Variants in TMC2 observed in about 807,000 individuals in gnomAD.
TMC2 encodes transmembrane channel-like protein 2.
A neutral mutation model predicts 105.9 loss-of-function variants in TMC2; 102 were observed. The observed-to-expected ratio is 0.96, with a 90% CI of 0.82 to 1.14. The LOEUF is 1.14. Among genes scored for constraint, TMC2 ranks in the 50% most tolerant of loss-of-function variants. TMC2 has a pLI of 0.00. For missense variants in TMC2, 1,093 were observed against 1,134.3 expected, an observed-to-expected ratio of 0.96 and a Z score of 0.52; for synonymous variants, 402 against 422.8, an observed-to-expected ratio of 0.95 and a Z score of 0.60.
intron 5 of TMC2, among the ~76,000 whole-genome samples, chr20:2,574,716 G>A (rs2086130489): frequency 6.6e-6 from 1 of 151,772 alleles, no homozygotes. Context: ...ATATCTGTTG[G>A]GTTTGAATCT....
At chr20:2,538,092 G>A (rs913548695) in intron 2 of TMC2, among the ~76,000 whole-genome samples, 1 of 151,926 alleles carries the variant, frequency 6.6e-6, no homozygotes, top group African/African-American at 2.4e-5. Context: ...GGAGGGCCCT[G>A]TCCTGGCCCC....
intron 5 of TMC2, among the ~76,000 whole-genome samples, chr20:2,573,492 T>G (rs922775160): frequency 3.3e-5 from 5 of 152,026 alleles, no homozygotes; most frequent in Non-Finnish European, 5.9e-5. Flanking sequence ...CTACAAATTT[T>G]TGTGCTAATT....
At chr20:2,610,067 T>A (rs1600128480) in intron 11 of TMC2, among the ~76,000 whole-genome samples, 1 of 152,226 alleles carries the variant, frequency 6.6e-6, no homozygotes, top group East Asian at 1.9e-4. Flanking sequence ...CAGGATCTCC[T>A]GGCTATCTCC....
intron 7 of TMC2, among the ~76,000 whole-genome samples, chr20:2,586,579 G>A (rs188993205): frequency 3.5e-4 from 53 of 152,324 alleles, no homozygotes; most frequent in African/African-American, 1.0e-3. Context: ...ATCACTTGGC[G>A]AGAGCAGGAG....
At chr20:2,563,857 G>T (rs994522464) in intron 4 of TMC2, among the ~76,000 whole-genome samples, 7 of 152,052 alleles carry the variant, frequency 4.6e-5, no homozygotes, top group Non-Finnish European at 1.0e-4. Context: ...CTCTCCAGTG[G>T]CTGGGACTAC....
At chr20:2,584,219 C>T (rs568450247) in intron 7 of TMC2, among the ~76,000 whole-genome samples, 4 of 151,862 alleles carry the variant, frequency 2.6e-5, no homozygotes, top group South Asian at 2.1e-4. Context: ...CCGAGGCGGG[C>T]GGATCACGAG....
chr20:2,638,965 G>A (rs543414579), intron 19 of TMC2, among the ~76,000 whole-genome samples: 2 of 151,386 alleles, frequency 1.3e-5, no homozygotes, highest in East Asian at 1.9e-4. Flanking sequence ...GTGTGATCTC[G>A]GCTCACTGCA....
At chr20:2,575,840 T>C (rs889866628) in intron 5 of TMC2, among the ~76,000 whole-genome samples, 4 of 152,214 alleles carry the variant, frequency 2.6e-5, no homozygotes, top group African/African-American at 4.8e-5. Flanking sequence ...GTGTCAATTA[T>C]AGTCTTTATT....
At chr20:2,608,140 A>G (rs2086407581) in intron 11 of TMC2, among the ~76,000 whole-genome samples, 1 of 150,648 alleles carries the variant, frequency 6.6e-6, no homozygotes. Context: ...AAAAAAAGAA[A>G]AAAAGAAATT....
intron 17 of TMC2, among the ~76,000 whole-genome samples, chr20:2,632,674 C>G (rs542032731): frequency 1.3e-5 from 2 of 152,276 alleles, no homozygotes; most frequent in African/African-American, 4.8e-5. Flanking sequence ...ACTGCAACCT[C>G]CACCTCCTGG....
At chr20:2,537,651 A>G (rs963685883) in intron 2 of TMC2, among the ~76,000 whole-genome samples, 5 of 152,102 alleles carry the variant, frequency 3.3e-5, no homozygotes, top group Non-Finnish European at 5.9e-5. Context: ...ATTCACATCC[A>G]GGCCCCCGGA....
intron 16 of TMC2, among the ~76,000 whole-genome samples, chr20:2,621,498 A>G (rs1049563030): frequency 6.6e-6 from 1 of 151,374 alleles, no homozygotes; most frequent in Non-Finnish European, 1.5e-5. Flanking sequence ...GAGAAACCCC[A>G]TCTCTACTAA....
At chr20:2,545,997 T>G (rs1443343837) in intron 2 of TMC2, among the ~76,000 whole-genome samples, 1 of 152,214 alleles carries the variant, frequency 6.6e-6, no homozygotes, top group Non-Finnish European at 1.5e-5. Flanking sequence ...TGAAAGCAGA[T>G]AGTCTCCAAA....
intron 7 of TMC2, among the ~76,000 whole-genome samples, chr20:2,583,463 C>CTT (rs372290962): frequency 5.1e-4 from 70 of 138,400 alleles, no homozygotes; most frequent in Non-Finnish European, 5.8e-4. Context: ...CACATAAGCA[C>CTT]TTTTTTTTTT....
chr20:2,638,203 T>C (rs2086662775), intron 19 of TMC2, among the ~76,000 whole-genome samples: 1 of 151,912 alleles, frequency 6.6e-6, no homozygotes, highest in African/African-American at 2.4e-5. Context: ...TAGCCGGGCG[T>C]GGTGGCGGGC....
At chr20:2,619,232 G>A (rs1433210934) in intron 16 of TMC2, among the ~76,000 whole-genome samples, 1 of 152,142 alleles carries the variant, frequency 6.6e-6, no homozygotes, top group Non-Finnish European at 1.5e-5. Context: ...GCAGCCGTGA[G>A]ACAGGTAGAT....
At position 2,624,307 on chromosome 20, in the gene TMC2, C is replaced by G. The variant is rs1450697192; in HGVS notation, c.2217C>G (p.Thr739=). 2.5e-6 allele frequency: 4 copies of G among 1,614,030 alleles called. No homozygotes were observed. Among genetic ancestry groups the G allele is most frequent in the Non-Finnish European group, 3.4e-6 (4 of 1,180,018 alleles). ...KNRMYDVLQE[T]IENDFPTFLG... is the part of the protein sequence containing the mutation. ...GAATGTACGATGTCCTCCAAGAGACCATTGAAAACGATTTCCCAACCTTCC... is the reference window on the plus strand; with the variant it reads ...GAATGTACGATGTCCTCCAAGAGACGATTGAAAACGATTTCCCAACCTTCC... The change falls in exon 17 of 20, where the codon ACC becomes ACG. Residue 739 remains threonine, a synonymous_variant. Coordinates refer to ENST00000358864, the MANE Select transcript of TMC2 (RefSeq NM_080751.3).
At chr20:2,565,631 C>T (rs1162204130) in intron 4 of TMC2, among the ~76,000 whole-genome samples, 1 of 152,208 alleles carries the variant, frequency 6.6e-6, no homozygotes, top group African/African-American at 2.4e-5. Context: ...TCTCCAGTTG[C>T]AGACGGCATC....
At chr20:2,628,898 C>G (rs8125724) in intron 17 of TMC2, among the ~76,000 whole-genome samples, 108,802 of 147,252 alleles carry the variant, frequency 0.74, 39,918 homozygotes, top group East Asian at 0.85. Flanking sequence ...GTCAGGAGAT[C>G]GAGACCATCC....
Sources: allele counts gnomAD v4.1 joint callset (sites outside exome capture counted in the v4.1 genomes callset), GRCh38; gene constraint gnomAD v4.1.1; transcripts MANE v1.5; gene names NCBI Gene and HGNC (gene_info 2026-07-23, HGNC 2026-07-21).